The following DNAJC8 variants were observed in gnomAD, a reference collection of about 807,000 sequenced individuals.
DNAJC8 encodes the protein DnaJ heat shock protein family (Hsp40) member C8.
Under a neutral mutation model 43.2 loss-of-function variants are expected in DNAJC8, and 24 were observed. The observed-to-expected ratio is 0.56, with a 90% CI of 0.40 to 0.78. The LOEUF (loss-of-function observed/expected upper bound fraction) is 0.78, where lower values mean the gene tolerates loss of function less well. Ranked by LOEUF, DNAJC8 falls within the 30% of genes least tolerant of loss-of-function variation. DNAJC8 has a pLI of 0.00. For synonymous variants in DNAJC8, 83 were observed against 98.0 expected, an observed-to-expected ratio of 0.85 and a Z score of 0.90; for missense variants, 207 against 299.4, an observed-to-expected ratio of 0.69 and a Z score of 2.28.
intron 8 of DNAJC8, 102 bp from the exon 9 acceptor site, chr1:28,201,472 A>G (rs1646732836): frequency 1.3e-6 from 2 of 1,541,412 alleles, no homozygotes; most frequent in East Asian, 4.5e-5. Flanking sequence ...AGCCCACTTC[A>G]GTCCTCTGGA....
chr1:28,202,229 A>G (rs12086733), intron 8 of DNAJC8, among the ~76,000 whole-genome samples: 152,005 of 152,344 alleles, frequency 1, 75,834 homozygotes, highest in East Asian at 1. Flanking sequence ...CTGAGGCCCC[A>G]TTTGTTGGGG....
In DNAJC8 at chr1:28,220,112, A is replaced by G. The variant is rs1646888989; in HGVS notation, c.181-5116T>C. On this transcript the variant is annotated intron_variant, in intron 2 of 8. Transcript: ENST00000263697. Reference sequence around the variant, plus strand: ...ACAACACCTGGAGCTTACTTTCACCACATGATTGGGCAAAAAGGAGGAGAG... The same window carrying G: ...ACAACACCTGGAGCTTACTTTCACCGCATGATTGGGCAAAAAGGAGGAGAG... Among the ~76,000 whole-genome samples, 3 of 152,372 alleles carry G rather than the reference A, an allele frequency of 2.0e-5. No individual in the cohort carries two copies. The South Asian group carries it at 6.2e-4, about 32-fold the overall frequency.
intron 3 of DNAJC8, among the ~76,000 whole-genome samples, chr1:28,211,707 G>A (rs1038424766): frequency 4.6e-5 from 7 of 152,172 alleles, no homozygotes; most frequent in African/African-American, 1.4e-4. Flanking sequence ...TCAGATGATC[G>A]TAGGGAATTA....
intron 2 of DNAJC8, among the ~76,000 whole-genome samples, 181 bp downstream of exon 2, chr1:28,228,741 G>GATTTTTTGGA (rs1394824736): frequency 3.9e-5 from 6 of 152,104 alleles, no homozygotes; most frequent in African/African-American, 1.4e-4. Flanking sequence ...AAAACTTCTG[G>GATTTTTTGGA]TCCCAAGCAT....
In DNAJC8 at chr1:28,203,862, A is replaced by G. The variant is rs535125434; in HGVS notation, c.564-40T>C. The G allele has an allele frequency of 3.3e-5, 53 of 1,589,202 alleles. No individual in the cohort carries two copies. The South Asian group carries it at 5.7e-4, about 17-fold the overall frequency. On this transcript the variant is annotated intron_variant, in intron 7 of 8. Transcript: ENST00000263697. ...AGATCATAGTATTTATATGATACTT[A>G]CAGACTGAATTAACCATACAAGGTG...
intron 5 of DNAJC8, 120 bp from the exon 6 acceptor site, chr1:28,208,533 T>G (rs1646786567): frequency 2.9e-6 from 1 of 350,822 alleles, no homozygotes; most frequent in African/African-American, 2.3e-5. Context: ...AAGTTTTCAT[T>G]AAAAAAAAAA....
chr1:28,232,889 C>T, intron 1 of DNAJC8, 32 bp downstream of exon 1: 1 of 1,608,840 alleles, frequency 6.2e-7, no homozygotes, highest in South Asian at 1.1e-5. Context: ...GAGCGGTCGC[C>T]CCGGTGCCAC....
chr1:28,206,983 G>T lies in DNAJC8; in HGVS notation c.471+1359C>A, dbSNP rs145930799. ...GTATATTTAAAAGCTCCATACACGG[G>T]ATAGACAGACACTGCGATTTTATAT... On this transcript the variant is annotated intron_variant, in intron 6 of 8. Transcript: ENST00000263697. Among the ~76,000 whole-genome samples, 85 of 152,104 alleles carry T rather than the reference G, an allele frequency of 5.6e-4. No individual in the cohort carries two copies. In the East Asian group the frequency reaches 0.015, roughly 27 times the overall value.
At chr1:28,210,119 G>C (rs912990776) in intron 4 of DNAJC8, 53 bp from the exon 5 acceptor site, 3 of 1,498,476 alleles carry the variant, frequency 2.0e-6, no homozygotes, top group Admixed American at 1.7e-5. Context: ...CTGAAAGTCT[G>C]AACTATACTC....
intron 2 of DNAJC8, among the ~76,000 whole-genome samples, chr1:28,227,464 T>C (rs1293486574): frequency 1.4e-5 from 2 of 145,200 alleles, no homozygotes; most frequent in Non-Finnish European, 3.0e-5. Flanking sequence ...TGGTGGCGAA[T>C]GGCTGTAATC....
chr1:28,227,092 TTCTC>T (rs1319836994), intron 2 of DNAJC8, among the ~76,000 whole-genome samples: 14 of 141,412 alleles, frequency 9.9e-5, no homozygotes, highest in Admixed American at 2.9e-4. Flanking sequence ...AAAAAAGAAT[TTCTC>T]TCTCTCTCTT....
intron 2 of DNAJC8, among the ~76,000 whole-genome samples, chr1:28,220,532 C>A (rs1192429739): frequency 6.6e-6 from 1 of 152,170 alleles, no homozygotes; most frequent in Non-Finnish European, 1.5e-5. Flanking sequence ...CAGGTAAGGG[C>A]AAGAGGGGGC....
At chr1:28,219,150 A>G (rs550841620) in intron 2 of DNAJC8, among the ~76,000 whole-genome samples, 1 of 152,292 alleles carries the variant, frequency 6.6e-6, no homozygotes, top group Non-Finnish European at 1.5e-5. Context: ...GGGGATTACA[A>G]CATGATGTTA....
intron 1 of DNAJC8, among the ~76,000 whole-genome samples, chr1:28,231,587 C>A (rs1336472568): frequency 1.3e-5 from 2 of 151,028 alleles, no homozygotes; most frequent in Non-Finnish European, 3.0e-5. Context: ...TGGTGGCAGG[C>A]GCCTGTAATC....
chr1:28,218,854 A>T (rs1301741949), intron 2 of DNAJC8, among the ~76,000 whole-genome samples: 1 of 152,168 alleles, frequency 6.6e-6, no homozygotes, highest in African/African-American at 2.4e-5. Flanking sequence ...AAGTCACTCA[A>T]TAGGAAGAGC....
chr1:28,225,692 A>AC (rs2149023818), intron 2 of DNAJC8, among the ~76,000 whole-genome samples: 1 of 148,594 alleles, frequency 6.7e-6, no homozygotes, highest in South Asian at 2.1e-4. Context: ...ACTAAAAAAA[A>AC]ATTTAAATGG....
At position 28,200,899 on chromosome 1, in the gene DNAJC8, A is replaced by G; in HGVS notation, c.*349T>C. 2.7e-6 allele frequency: 1 copy of G among 364,514 alleles called. No homozygotes were observed. Among genetic ancestry groups the G allele is most frequent in the Non-Finnish European group, 5.3e-6 (1 of 188,154 alleles). The allele number at this position is 364,514 out of a possible 1,614,324, so 22.6% of individuals were successfully genotyped here. A position where few individuals can be genotyped will look rare whatever the true frequency, so the allele number is the denominator to read the frequency against. On this transcript the variant is annotated 3_prime_UTR_variant, in exon 9 of 9. Coordinates refer to ENST00000263697, the MANE Select transcript of DNAJC8 (RefSeq NM_014280.3). The stretch of plus-strand genomic sequence containing the variant: ...AACACTGTTTTAAGCAGTATGTTTA[A>G]TTGGATGATTTCCACAAACTATCCA...
chr1:28,213,688 C>CA (rs1340161939), intron 3 of DNAJC8, among the ~76,000 whole-genome samples: 7 of 152,100 alleles, frequency 4.6e-5, no homozygotes, highest in Admixed American at 2.0e-4. Flanking sequence ...ATCCAATTTG[C>CA]AAAGGCAAAT....
intron 7 of DNAJC8, 119 bp from the exon 8 acceptor site, chr1:28,203,941 C>A: frequency 2.1e-6 from 2 of 960,434 alleles, no homozygotes; most frequent in South Asian, 2.7e-5. Flanking sequence ...TAGAAGTCTA[C>A]AAAGATGGCT....
Sources: gnomAD v4.1 joint callset for allele counts (sites outside exome capture counted in the v4.1 genomes callset) on GRCh38, gnomAD v4.1.1 for gene constraint, MANE v1.5 for transcripts, NCBI Gene and HGNC (gene_info 2026-07-23, HGNC 2026-07-21) for gene names.